MAP7: variants seen among roughly 807,000 people sequenced by gnomAD.
MAP7 encodes the protein ensconsin.
MAP7 carries 52 observed loss-of-function variants against 94.8 expected under a neutral mutation model. The observed-to-expected ratio is 0.55, with a 90% confidence interval of 0.44 to 0.69. The LOEUF is 0.69. Among genes scored for constraint, MAP7 ranks in the 30% least tolerant of loss-of-function variants. MAP7 has a pLI of 0.00. For missense variants in MAP7, 940 were observed against 964.6 expected (o/e 0.97, Z 0.34); for synonymous variants, 350 against 357.0 (o/e 0.98, Z 0.22).
intron 1 of MAP7, among the ~76,000 whole-genome samples, chr6:136,456,040 C>A (rs1802754710): frequency 6.6e-6 from 1 of 152,136 alleles, no homozygotes; most frequent in Non-Finnish European, 1.5e-5. Flanking sequence ...AGCCACAAAG[C>A]CCCAAGCCTC....
intron 16 of MAP7, among the ~76,000 whole-genome samples, chr6:136,354,633 A>G (rs1179984685): frequency 6.6e-6 from 1 of 151,702 alleles, no homozygotes; most frequent in Non-Finnish European, 1.5e-5. Flanking sequence ...GGCTATGCTT[A>G]TGTTTCTTCT....
At chr6:136,464,465 T>G (rs1391332793) in intron 1 of MAP7, among the ~76,000 whole-genome samples, 1 of 152,230 alleles carries the variant, frequency 6.6e-6, no homozygotes, top group Non-Finnish European at 1.5e-5. Flanking sequence ...TATCATTAGC[T>G]ATTGTTGTTA....
intron 10 of MAP7, chr6:136,364,947 T>G (rs1289002995): frequency 6.6e-6 from 1 of 152,310 alleles, no homozygotes. Context: ...GATAAATGTT[T>G]GTTGTTGTTT....
intron 1 of MAP7, among the ~76,000 whole-genome samples, chr6:136,454,266 C>T (rs1802053982): frequency 7.9e-6 from 1 of 127,228 alleles, no homozygotes; most frequent in South Asian, 2.7e-4. Context: ...TTAACCCTAC[C>T]TAAATGATCT....
At position 136,411,680 on chromosome 6, in the gene MAP7, G is replaced by A. The variant is rs202185529; in HGVS notation, c.184C>T (p.Arg62Cys). The change falls in exon 3 of 18, where the codon CGT becomes TGT. Residue 62 changes from arginine (R) to cysteine (C), a missense_variant. Arg to Cys is a radical substitution (Grantham distance 180, BLOSUM62 -3). Coordinates refer to ENST00000354570, the MANE Select transcript of MAP7 (RefSeq NM_003980.6). ...GCCAGCCGCTGCCGGTCATCAACAC[G>A]TAACACAGGCGGAGGGTCTGAAAGC... ...GNKPDPPPVLRVDDRQRLARE... is the reference protein window; with the variant it reads ...GNKPDPPPVLCVDDRQRLARE... The A allele has an allele frequency of 5.3e-5, 83 of 1,566,308 alleles. No individual in the cohort carries two copies. In the East Asian group the frequency reaches 8.0e-4, roughly 15 times the overall value.
At chr6:136,356,306 A>G (rs932046114) in intron 16 of MAP7, among the ~76,000 whole-genome samples, 2 of 152,002 alleles carry the variant, frequency 1.3e-5, no homozygotes, top group African/African-American at 4.8e-5. Flanking sequence ...TGGGACTACA[A>G]GCACACACTA....
intron 1 of MAP7, among the ~76,000 whole-genome samples, chr6:136,518,657 C>G (rs3799459): frequency 0.27 from 41,434 of 152,034 alleles, 7,328 homozygotes; most frequent in African/African-American, 0.49. Context: ...CTTCATTGCT[C>G]TTAAGTTTCT....
intron 5 of MAP7, among the ~76,000 whole-genome samples, chr6:136,387,775 A>G (rs192713943): frequency 1.3e-5 from 2 of 152,332 alleles, no homozygotes; most frequent in African/African-American, 4.8e-5. Flanking sequence ...AGATTCACAC[A>G]AATAAAAAAA....
At chr6:136,362,843 G>T in intron 10 of MAP7, 141 bp from the exon 11 acceptor site, 2 of 1,328,002 alleles carry the variant, frequency 1.5e-6, no homozygotes, top group Non-Finnish European at 2.0e-6. Flanking sequence ...TGTTCTCACG[G>T]TTTCACTATG....
intron 1 of MAP7, among the ~76,000 whole-genome samples, chr6:136,448,756 A>C (rs1800128090): frequency 6.6e-6 from 1 of 152,150 alleles, no homozygotes; most frequent in Non-Finnish European, 1.5e-5. Flanking sequence ...ACAAAATGGA[A>C]TTATAGCAAT....
At chr6:136,414,473 A>T (rs1210282940) in intron 2 of MAP7, among the ~76,000 whole-genome samples, 1 of 152,004 alleles carries the variant, frequency 6.6e-6, no homozygotes, top group Non-Finnish European at 1.5e-5. Context: ...GGCTATCCAC[A>T]GGAAGTTCTT....
chr6:136,396,976 A>T (rs1782658958), intron 3 of MAP7, among the ~76,000 whole-genome samples: 1 of 152,218 alleles, frequency 6.6e-6, no homozygotes, highest in Non-Finnish European at 1.5e-5. Context: ...AACAATAATT[A>T]GTTTTACCCC....
chr6:136,502,317 G>C (rs1156267978), intron 1 of MAP7, among the ~76,000 whole-genome samples: 1 of 152,220 alleles, frequency 6.6e-6, no homozygotes. Flanking sequence ...TACACACATA[G>C]ACATCCCACA....
chr6:136,483,477 T>A (rs893573844), intron 1 of MAP7, among the ~76,000 whole-genome samples: 4 of 152,084 alleles, frequency 2.6e-5, no homozygotes, highest in African/African-American at 9.7e-5. Context: ...TTTACCTACA[T>A]AACAAACCTG....
At chr6:136,452,284 A>G (rs1049053330) in intron 1 of MAP7, among the ~76,000 whole-genome samples, 3 of 152,204 alleles carry the variant, frequency 2.0e-5, no homozygotes, top group African/African-American at 7.2e-5. Context: ...GAACAAAGAA[A>G]ATGGTTTCTT....
intron 3 of MAP7, among the ~76,000 whole-genome samples, chr6:136,400,192 A>C (rs1783668105): frequency 6.6e-6 from 1 of 152,178 alleles, no homozygotes; most frequent in South Asian, 2.1e-4. Context: ...TGAGGCGGGC[A>C]GATCACGAGG....
chr6:136,364,099 G>T, intron 10 of MAP7: 1 of 296,754 alleles, frequency 3.4e-6, no homozygotes, highest in South Asian at 3.3e-5. Context: ...CACCTTGCCT[G>T]GCAGTGCCAG....
intron 1 of MAP7, among the ~76,000 whole-genome samples, chr6:136,534,719 C>A (rs919837124): frequency 2.6e-5 from 4 of 152,008 alleles, no homozygotes; most frequent in Non-Finnish European, 4.4e-5. Flanking sequence ...TTATTAAATC[C>A]CTCTTTATTT....
intron 5 of MAP7, among the ~76,000 whole-genome samples, chr6:136,387,455 C>A (rs1293210153): frequency 6.6e-6 from 1 of 152,194 alleles, no homozygotes; most frequent in Non-Finnish European, 1.5e-5. Context: ...CATATTATCA[C>A]ACTTAAGAAA....
Sources: gnomAD v4.1 joint callset for allele counts (sites outside exome capture counted in the v4.1 genomes callset) on GRCh38, gnomAD v4.1.1 for gene constraint, MANE v1.5 for transcripts, NCBI Gene and HGNC (gene_info 2026-07-23, HGNC 2026-07-21) for gene names.